Variants in FSTL4 observed in about 807,000 individuals in gnomAD.
FSTL4 encodes follistatin like 4, also known as follistatin-related protein 4.
In FSTL4, 28 loss-of-function variants were observed where a neutral mutation model predicts 78.2. The ratio of observed to expected loss-of-function variants is 0.36; its 90% CI spans 0.27 to 0.49. The LOEUF is 0.49. Among genes scored for constraint, FSTL4 ranks in the 20% least tolerant of loss-of-function variants. The pLI, the probability that FSTL4 is intolerant of heterozygous loss-of-function variation, is 0.98. For synonymous variants in FSTL4, 422 were observed against 440.5 expected (o/e 0.96, Z 0.53); for missense variants, 922 against 1,084.9 (o/e 0.85, Z 2.11).
intron 4 of FSTL4, among the ~76,000 whole-genome samples, chr5:133,382,574 C>T (rs762367023): frequency 1.3e-5 from 2 of 151,842 alleles, no homozygotes; most frequent in Admixed American, 1.3e-4. Flanking sequence ...GGGATTTCTC[C>T]AATAAAAGAC....
At chr5:133,335,062 A>C (rs1754433474) in intron 4 of FSTL4, among the ~76,000 whole-genome samples, 3 of 152,216 alleles carry the variant, frequency 2.0e-5, no homozygotes, top group South Asian at 2.1e-4. Flanking sequence ...AAACACTGTG[A>C]GCAAGGCTCC....
chr5:133,733,658 C>A, the FSTL4 span, among the ~76,000 whole-genome samples: 1 of 152,194 alleles, frequency 6.6e-6, no homozygotes, highest in African/African-American at 2.4e-5. Flanking sequence ...ATTAAAATAA[C>A]AACTCCATTA....
At chr5:133,815,352 T>C in the FSTL4 span, among the ~76,000 whole-genome samples, 1 of 152,268 alleles carries the variant, frequency 6.6e-6, no homozygotes, top group East Asian at 1.9e-4. Flanking sequence ...AAGGGTGCAG[T>C]TTCCATTTCC....
chr5:133,285,012 TG>T (rs1481260964), intron 6 of FSTL4, among the ~76,000 whole-genome samples: 2 of 152,150 alleles, frequency 1.3e-5, no homozygotes, highest in Admixed American at 6.6e-5. Flanking sequence ...GCGAAGGCTC[TG>T]GAGTAAGTGG....
Position 133,398,096 on chromosome 5 carries a change from G to A in FSTL4, c.409+2642C>T, listed in dbSNP as rs542479856. On this transcript the variant is annotated intron_variant, in intron 4 of 15. Coordinates refer to ENST00000265342, the MANE Select transcript of FSTL4 (RefSeq NM_015082.2). ...CGACAGAGCCTCTGTCATCTATTTC[G>A]TTCTACTCCCCCCTGGAGCCATGGT... Among the ~76,000 whole-genome samples, 3 of 152,096 alleles carry A rather than the reference G, an allele frequency of 2.0e-5. No homozygotes were observed. In the East Asian group the frequency reaches 5.8e-4, roughly 29 times the overall value.
intron 4 of FSTL4, among the ~76,000 whole-genome samples, chr5:133,380,312 A>AT: frequency 6.6e-6 from 1 of 152,080 alleles, no homozygotes; most frequent in Admixed American, 6.5e-5. Context: ...TAACAAAAAA[A>AT]TTTTTTAGAA....
chr5:133,238,473 A>C (rs1304433612), intron 7 of FSTL4, among the ~76,000 whole-genome samples: 1 of 152,232 alleles, frequency 6.6e-6, no homozygotes, highest in African/African-American at 2.4e-5. Context: ...CCATTCCTCG[A>C]ACACGTCTAG....
chr5:133,691,394 G>C, the FSTL4 span, among the ~76,000 whole-genome samples: 1 of 152,070 alleles, frequency 6.6e-6, no homozygotes, highest in Admixed American at 6.5e-5. Flanking sequence ...CCCACCAGAT[G>C]GATGCCCCAC....
intron 4 of FSTL4, among the ~76,000 whole-genome samples, chr5:133,386,941 A>C (rs1755713815): frequency 6.6e-6 from 1 of 152,192 alleles, no homozygotes; most frequent in Non-Finnish European, 1.5e-5. Flanking sequence ...TTTCATTAAA[A>C]CAACTGGATA....
chr5:133,332,831 C>T (rs1754378437), intron 4 of FSTL4, among the ~76,000 whole-genome samples: 1 of 152,126 alleles, frequency 6.6e-6, no homozygotes, highest in African/African-American at 2.4e-5. Flanking sequence ...TTTGTTTTTA[C>T]CACGAATGGT....
chr5:133,554,433 GC>G (rs1759749953), intron 3 of FSTL4, among the ~76,000 whole-genome samples: 1 of 152,224 alleles, frequency 6.6e-6, no homozygotes, highest in South Asian at 2.1e-4. Context: ...TGAGCATTGA[GC>G]TAATAGATGT....
chr5:133,791,287 CACA>C, the FSTL4 span, among the ~76,000 whole-genome samples: 1 of 150,868 alleles, frequency 6.6e-6, no homozygotes, highest in African/African-American at 2.5e-5. Context: ...TGCACACACA[CACA>C]CACACACACA....
At chr5:133,491,739 A>C (rs1243586176) in intron 3 of FSTL4, among the ~76,000 whole-genome samples, 1 of 152,202 alleles carries the variant, frequency 6.6e-6, no homozygotes, top group East Asian at 1.9e-4. Context: ...ATATATTTTC[A>C]ATTAATTTCA....
At chr5:133,676,151 G>T in the FSTL4 span, among the ~76,000 whole-genome samples, 4 of 152,178 alleles carry the variant, frequency 2.6e-5, no homozygotes, top group Non-Finnish European at 5.9e-5. Context: ...GGGGTGGGAG[G>T]ATTACTTTCT....
chr5:133,629,007 T>A, the FSTL4 span, among the ~76,000 whole-genome samples: 1 of 140,038 alleles, frequency 7.1e-6, no homozygotes, highest in African/African-American at 2.7e-5. Flanking sequence ...TCCGATACTA[T>A]GTTGAATAGA....
At chr5:133,815,724 C>A in the FSTL4 span, among the ~76,000 whole-genome samples, 44 of 152,138 alleles carry the variant, frequency 2.9e-4, no homozygotes, top group Admixed American at 7.9e-4. Context: ...GTGTTTCTGG[C>A]ACAAAGTCAG....
chr5:133,555,436 T>A (rs527547134), intron 3 of FSTL4, among the ~76,000 whole-genome samples: 126 of 152,336 alleles, frequency 8.3e-4, no homozygotes, highest in Admixed American at 1.9e-3. Flanking sequence ...TCCCTTGCCA[T>A]CTCTGAGTAT....
chr5:133,840,522 C>T, the FSTL4 span, among the ~76,000 whole-genome samples: 2 of 152,240 alleles, frequency 1.3e-5, no homozygotes, highest in Non-Finnish European at 2.9e-5. Flanking sequence ...CTGGTCTCTG[C>T]ACAATTAACC....
chr5:133,268,926 A>C (rs531768445), intron 6 of FSTL4, among the ~76,000 whole-genome samples: 1 of 152,038 alleles, frequency 6.6e-6, no homozygotes, highest in South Asian at 2.1e-4. Context: ...TCGTGCCTGT[A>C]ATCCCAGTAT....
Sources: allele counts gnomAD v4.1 joint callset (sites outside exome capture counted in the v4.1 genomes callset), GRCh38; gene constraint gnomAD v4.1.1; transcripts MANE v1.5; gene names NCBI Gene and HGNC (gene_info 2026-07-23, HGNC 2026-07-21).